Variants in KLHL4 observed in about 807,000 individuals in gnomAD.
KLHL4 encodes the protein kelch-like protein 4.
Under a neutral mutation model 45.8 loss-of-function variants are expected in KLHL4, and 17 were observed. That is an observed-to-expected ratio of 0.37 (90% CI 0.25 to 0.56). The LOEUF (loss-of-function observed/expected upper bound fraction) is 0.56, where lower values mean the gene tolerates loss of function less well. KLHL4 is among the 20% of genes least tolerant of loss of function. The probability of loss-of-function intolerance (pLI) is 0.79; values close to 1 mark genes in which losing one functional copy is unlikely to be tolerated. For missense variants in KLHL4, 544 were observed against 544.9 expected (o/e 1.00, Z 0.02); for synonymous variants, 224 against 189.9 (o/e 1.18, Z -1.47).
At chrX:87,644,436 C>T (rs1923563321) in intron 9 of KLHL4, among the ~76,000 whole-genome samples, 2 of 111,519 alleles carry the variant, frequency 1.8e-5, no homozygotes, top group Admixed American at 9.5e-5. Context: ...ACATCCCATG[C>T]TCATGGATGG....
rs369525181 is a variant in KLHL4, at chrX:87,632,448, G to A, written c.1549+14G>A. On this transcript the variant is annotated intron_variant, in intron 7 of 10. Transcript: ENST00000373119. ...GGCACGGCTTAGGTAAGAGCTTAAC[G>A]TAATGTATTTTTCAAGAATGTATAG... is the stretch of plus-strand genomic sequence containing the variant. 163 of 1,094,478 alleles carry A rather than the reference G, an allele frequency of 1.5e-4. No individual in the cohort carries two copies. The highest frequency in any genetic ancestry group is 2.5e-4 in the Middle Eastern group (1 of 4,020). 90.2% of individuals were successfully genotyped at this position (1,094,478 alleles called of 1,213,427 possible). A position where few individuals can be genotyped will look rare whatever the true frequency, so the allele number is the denominator to read the frequency against.
intron 1 of KLHL4, among the ~76,000 whole-genome samples, chrX:87,529,792 A>C: frequency 8.9e-6 from 1 of 112,197 alleles, no homozygotes; most frequent in Non-Finnish European, 1.9e-5. Context: ...AAATGTAAAA[A>C]ATAAAATGTA....
At chrX:87,618,650 G>A (rs1008702854) in intron 4 of KLHL4, among the ~76,000 whole-genome samples, 6 of 110,835 alleles carry the variant, frequency 5.4e-5, no homozygotes, top group African/African-American at 1.6e-4. Flanking sequence ...ACAGGCGCCC[G>A]CCACCATGCC....
intron 4 of KLHL4, among the ~76,000 whole-genome samples, chrX:87,621,896 G>C (rs1922763172): frequency 9.0e-6 from 1 of 111,446 alleles, no homozygotes; most frequent in Non-Finnish European, 1.9e-5. Flanking sequence ...ATGAGCTGCT[G>C]TTGTCACATA....
intron 10 of KLHL4, among the ~76,000 whole-genome samples, chrX:87,666,199 T>A (rs1924363639): frequency 9.0e-6 from 1 of 111,215 alleles, no homozygotes; most frequent in South Asian, 3.8e-4. Context: ...GACGTGTTAG[T>A]ATAATTTGGT....
intron 1 of KLHL4, among the ~76,000 whole-genome samples, chrX:87,599,416 C>A (rs1439837584): frequency 9.0e-6 from 1 of 111,611 alleles, no homozygotes; most frequent in Non-Finnish European, 1.9e-5. Flanking sequence ...CAAATTTAAT[C>A]CAGCTTTGAG....
intron 6 of KLHL4, among the ~76,000 whole-genome samples, chrX:87,631,503 G>T (rs773331720): frequency 9.0e-6 from 1 of 111,346 alleles, no homozygotes; most frequent in Non-Finnish European, 1.9e-5. Context: ...CAACACCAAA[G>T]GCCCATTTAA....
At chrX:87,541,907 T>C (rs891901294) in intron 1 of KLHL4, among the ~76,000 whole-genome samples, 3 of 111,614 alleles carry the variant, frequency 2.7e-5, no homozygotes, top group Non-Finnish European at 5.6e-5. Flanking sequence ...CTGATAGTAA[T>C]GTGAGCAACG....
intron 1 of KLHL4, among the ~76,000 whole-genome samples, chrX:87,526,004 A>C (rs1342163967): frequency 9.0e-6 from 1 of 111,451 alleles, no homozygotes; most frequent in East Asian, 2.8e-4. Context: ...CTCGGCACTT[A>C]TGTAACAGAA....
At chrX:87,546,850 C>T (rs1176509836) in intron 1 of KLHL4, among the ~76,000 whole-genome samples, 2 of 112,749 alleles carry the variant, frequency 1.8e-5, no homozygotes, top group African/African-American at 3.2e-5. Context: ...TAATGACTGC[C>T]CTGCTGGATT....
In KLHL4 at chrX:87,635,676, G is replaced by C; in HGVS notation, c.1826G>C (p.Gly609Ala). The change falls in exon 9 of 11, where the codon GGT becomes GCT. Residue 609 changes from glycine (G) to alanine (A), a missense_variant. Gly to Ala is a moderately conservative substitution (Grantham distance 60, BLOSUM62 0). Transcript: ENST00000373119. ...LCAPMSKRRG[G>A]VGVATYNGFL... ...GCTCCAATGTCCAAAAGACGTGGAG[G>C]TGTGGGAGTTGCCACATACAATGGA... The C allele has an allele frequency of 8.3e-7, 1 of 1,209,720 alleles. No homozygotes were observed. The highest frequency in any genetic ancestry group is 1.1e-6 in the Non-Finnish European group (1 of 893,453).
chrX:87,624,168 G>A (rs1922849061), intron 5 of KLHL4, among the ~76,000 whole-genome samples: 1 of 112,035 alleles, frequency 8.9e-6, no homozygotes, highest in Non-Finnish European at 1.9e-5. Flanking sequence ...TTATTTTATT[G>A]GAATGGAGGG....
chrX:87,519,345 G>T (rs1225104280), intron 1 of KLHL4, among the ~76,000 whole-genome samples: 2 of 111,948 alleles, frequency 1.8e-5, no homozygotes, highest in African/African-American at 6.5e-5. Context: ...AAATAGAGAA[G>T]AAGGACTGGC....
chrX:87,619,829 A>T (rs1278204238), intron 4 of KLHL4, among the ~76,000 whole-genome samples: 1 of 112,082 alleles, frequency 8.9e-6, no homozygotes, highest in Non-Finnish European at 1.9e-5. Context: ...ATCTATTGTA[A>T]ATACAGTAAA....
chrX:87,584,852 G>A lies in KLHL4; in HGVS notation c.423-29025G>A, dbSNP rs763656828. Among the ~76,000 whole-genome samples, 10 of 68,862 alleles carry A rather than the reference G, an allele frequency of 1.5e-4. No individual in the cohort carries two copies. In the South Asian group the frequency reaches 6.0e-3, roughly 41 times the overall value. The allele number at this position is 68,862 out of a possible 115,157, so 59.8% of individuals were successfully genotyped here. Reference sequence around the variant, plus strand: ...TTCCCAAACCTAGGAAAAGTTATCCGTATCCAAAAAAAAAAAAAAAAAGTT... The same window carrying A: ...TTCCCAAACCTAGGAAAAGTTATCCATATCCAAAAAAAAAAAAAAAAAGTT... On this transcript the variant is annotated intron_variant, in intron 1 of 10. Coordinates refer to ENST00000373119, the MANE Select transcript of KLHL4 (RefSeq NM_019117.5).
intron 9 of KLHL4, among the ~76,000 whole-genome samples, chrX:87,639,896 A>G (rs1007626290): frequency 9.0e-6 from 1 of 111,108 alleles, no homozygotes; most frequent in Non-Finnish European, 1.9e-5. Flanking sequence ...AAAAGAGAAA[A>G]CACACAGCTG....
At chrX:87,541,694 T>C (rs1931563832) in intron 1 of KLHL4, among the ~76,000 whole-genome samples, 1 of 110,617 alleles carries the variant, frequency 9.0e-6, no homozygotes, top group Non-Finnish European at 1.9e-5. Context: ...AGTATGTTTA[T>C]AGCAGTGTTA....
At chrX:87,549,416 T>G (rs1931762140) in intron 1 of KLHL4, among the ~76,000 whole-genome samples, 1 of 111,438 alleles carries the variant, frequency 9.0e-6, no homozygotes. Context: ...TACTATAAAC[T>G]GAATGGATCT....
chrX:87,603,972 A>G (rs1922105928), intron 1 of KLHL4, among the ~76,000 whole-genome samples: 1 of 110,285 alleles, frequency 9.1e-6, no homozygotes. Context: ...AATTCCACGT[A>G]TTAGTGAGAT....
Sources: allele counts gnomAD v4.1 joint callset (sites outside exome capture counted in the v4.1 genomes callset), GRCh38; gene constraint gnomAD v4.1.1; transcripts MANE v1.5; gene names NCBI Gene and HGNC (gene_info 2026-07-23, HGNC 2026-07-21).